Variants in PLCB4 observed in about 807,000 individuals in gnomAD.
PLCB4 encodes the protein phospholipase C beta 4.
PLCB4 carries 77 observed loss-of-function variants against 178.8 expected under a neutral mutation model. The ratio of observed to expected loss-of-function variants is 0.43; its 90% CI spans 0.36 to 0.52. The LOEUF is 0.52. Among genes scored for constraint, PLCB4 ranks in the 20% least tolerant of loss-of-function variants. The pLI, the probability that PLCB4 is intolerant of heterozygous loss-of-function variation, is 0.00. For synonymous variants in PLCB4, 496 were observed against 490.8 expected, an observed-to-expected ratio of 1.01 and a Z score of -0.14; for missense variants, 1,024 against 1,453.4, an observed-to-expected ratio of 0.70 and a Z score of 4.80.
intron 1 of PLCB4, among the ~76,000 whole-genome samples, chr20:9,076,498 C>T (rs946972205): frequency 1.3e-5 from 2 of 151,814 alleles, no homozygotes; most frequent in African/African-American, 4.8e-5. Context: ...AAAATAACAC[C>T]CAAGTGTACA....
intron 3 of PLCB4, among the ~76,000 whole-genome samples, chr20:9,272,196 AAAAAG>A (rs1338139981): frequency 6.6e-6 from 1 of 151,914 alleles, no homozygotes; most frequent in East Asian, 1.9e-4. Flanking sequence ...CCTCAAAAAA[AAAAAG>A]AGAGAAAGAA....
chr20:9,079,804 G>A (rs2090060233), intron 1 of PLCB4, among the ~76,000 whole-genome samples: 1 of 150,030 alleles, frequency 6.7e-6, no homozygotes, highest in South Asian at 2.2e-4. Flanking sequence ...TAAAATTTGT[G>A]GTGGGCCTTA....
intron 7 of PLCB4, among the ~76,000 whole-genome samples, chr20:9,355,271 ATTTT>A (rs1216231873): frequency 6.6e-6 from 1 of 151,652 alleles, no homozygotes. Flanking sequence ...GCTTTTTAAA[ATTTT>A]TTTATTTTTT....
chr20:9,355,829 G>A (rs1418092374), intron 7 of PLCB4, among the ~76,000 whole-genome samples: 2 of 152,080 alleles, frequency 1.3e-5, no homozygotes, highest in Admixed American at 6.6e-5. Context: ...GGATGGCTGG[G>A]TCAAATGGTA....
At chr20:9,316,509 G>C (rs577830937) in intron 4 of PLCB4, among the ~76,000 whole-genome samples, 2 of 152,312 alleles carry the variant, frequency 1.3e-5, no homozygotes, top group African/African-American at 4.8e-5. Context: ...CTTTAAGGAA[G>C]GTGAGCTAGA....
intron 32 of PLCB4, among the ~76,000 whole-genome samples, chr20:9,450,106 C>T (rs1033066247): frequency 2.0e-5 from 3 of 152,204 alleles, no homozygotes; most frequent in Non-Finnish European, 4.4e-5. Flanking sequence ...GAATGCTATA[C>T]ATGTTTTTCC....
At chr20:9,158,805 C>G (rs2092835224) in intron 2 of PLCB4, among the ~76,000 whole-genome samples, 1 of 152,100 alleles carries the variant, frequency 6.6e-6, no homozygotes, top group South Asian at 2.1e-4. Flanking sequence ...AAGGCATGCT[C>G]TATAGGGTTG....
intron 3 of PLCB4, among the ~76,000 whole-genome samples, chr20:9,256,509 G>A (rs1351253283): frequency 1.3e-5 from 2 of 152,170 alleles, no homozygotes; most frequent in Non-Finnish European, 2.9e-5. Context: ...CTAATTGTAA[G>A]GAAGACTCAG....
At chr20:9,218,304 A>G (rs2093756309) in intron 3 of PLCB4, among the ~76,000 whole-genome samples, 1 of 152,088 alleles carries the variant, frequency 6.6e-6, no homozygotes, top group South Asian at 2.1e-4. Context: ...ACGGAGTTTC[A>G]CCATGTTAGT....
chr20:9,212,958 C>G (rs755483318), intron 2 of PLCB4, among the ~76,000 whole-genome samples: 1 of 151,950 alleles, frequency 6.6e-6, no homozygotes, highest in East Asian at 1.9e-4. Flanking sequence ...TCAACACAAT[C>G]TAACCTTTGA....
intron 3 of PLCB4, among the ~76,000 whole-genome samples, chr20:9,219,195 C>G (rs773150669): frequency 6.6e-6 from 1 of 152,114 alleles, no homozygotes. Context: ...CTTGGCTGGG[C>G]GCGGTGGCTC....
chr20:9,460,493 A>G (rs2043323448), intron 35 of PLCB4, among the ~76,000 whole-genome samples: 1 of 152,364 alleles, frequency 6.6e-6, no homozygotes, highest in East Asian at 1.9e-4. Context: ...ATTAAAAAAC[A>G]GCAAAGTATC....
chr20:9,143,349 A>G (rs1024117247), intron 2 of PLCB4, among the ~76,000 whole-genome samples: 4 of 152,180 alleles, frequency 2.6e-5, no homozygotes, highest in African/African-American at 7.2e-5. Flanking sequence ...AGTGAATGAA[A>G]CAAATGCTGT....
chr20:9,327,835 C>T (rs916322070), intron 4 of PLCB4, among the ~76,000 whole-genome samples: 4 of 152,058 alleles, frequency 2.6e-5, no homozygotes, highest in African/African-American at 9.7e-5. Context: ...TTAGTTCAGA[C>T]TATGTGTCAA....
At chr20:9,070,739 G>A (rs953886364) in intron 1 of PLCB4, among the ~76,000 whole-genome samples, 3 of 152,098 alleles carry the variant, frequency 2.0e-5, no homozygotes, top group African/African-American at 4.8e-5. Context: ...TGAATGTGAC[G>A]TATTATAACA....
intron 2 of PLCB4, among the ~76,000 whole-genome samples, chr20:9,170,500 G>A (rs1473013295): frequency 6.6e-6 from 1 of 151,984 alleles, no homozygotes. Flanking sequence ...AGGTTCTTTG[G>A]GCTGACACAC....
intron 3 of PLCB4, among the ~76,000 whole-genome samples, chr20:9,305,136 A>G (rs2094751285): frequency 6.7e-6 from 1 of 150,048 alleles, no homozygotes; most frequent in Non-Finnish European, 1.5e-5. Context: ...ATCTTTTATA[A>G]GTGAATTTAA....
At chr20:9,189,667 C>T (rs1030340842) in intron 2 of PLCB4, among the ~76,000 whole-genome samples, 12 of 152,294 alleles carry the variant, frequency 7.9e-5, no homozygotes, top group African/African-American at 2.9e-4. Flanking sequence ...AATTATTTCT[C>T]ATAATTCTGG....
intron 25 of PLCB4, 45 bp from the exon 26 acceptor site, chr20:9,419,762 C>A: frequency 8.3e-7 from 1 of 1,210,272 alleles, no homozygotes; most frequent in Non-Finnish European, 1.2e-6. Flanking sequence ...GTGTTTTAGT[C>A]TTTGTAAAAC....
Sources: allele counts gnomAD v4.1 joint callset (sites outside exome capture counted in the v4.1 genomes callset), GRCh38; gene constraint gnomAD v4.1.1; transcripts MANE v1.5; gene names NCBI Gene and HGNC (gene_info 2026-07-23, HGNC 2026-07-21).